The following TSBP1 variants were observed in gnomAD, a reference collection of about 807,000 sequenced individuals.
The protein encoded by TSBP1 is testis-expressed basic protein 1.
Under a neutral mutation model 68.8 loss-of-function variants are expected in TSBP1, and 56 were observed. The ratio of observed to expected loss-of-function variants is 0.81; its 90% CI spans 0.66 to 1.02. The LOEUF (loss-of-function observed/expected upper bound fraction) is 1.02, where lower values mean the gene tolerates loss of function less well. Ranked by LOEUF, TSBP1 falls within the 50% of genes least tolerant of loss-of-function variation. TSBP1 has a pLI of 0.00. For missense variants in TSBP1, 502 were observed against 641.2 expected (o/e 0.78, Z 2.34); for synonymous variants, 171 against 208.7 (o/e 0.82, Z 1.56).
chr6:32,355,731 A>T (rs780391181), intron 6 of TSBP1, 62 bp from the exon 7 acceptor site: 16 of 1,558,244 alleles, frequency 1.0e-5, no homozygotes, highest in Non-Finnish European at 1.7e-6. Context: ...TAGTTTTGGT[A>T]TCACTACAGA....
intron 18 of TSBP1, 40 bp from the exon 20 acceptor site, chr6:32,322,546 A>G: frequency 2.0e-6 from 3 of 1,497,498 alleles, no homozygotes; most frequent in Non-Finnish European, 2.8e-6. Flanking sequence ...AATTTTTCTC[A>G]AATAGAAAAC....
At chr6:32,307,598 G>GTTTA (rs9281731) in intron 19 of TSBP1, among the ~76,000 whole-genome samples, 31,874 of 151,708 alleles carry the variant, frequency 0.21, 3,508 homozygotes, top group East Asian at 0.22. Flanking sequence ...ATTTTTGTCT[G>GTTTA]TTTATTTTAT....
chr6:32,324,060 G>T (rs523627), intron 16 of TSBP1, among the ~76,000 whole-genome samples: 50,930 of 151,854 alleles, frequency 0.34, 9,637 homozygotes, highest in Middle Eastern at 0.52. Context: ...TTTCTCCCCT[G>T]CCCTTTATTT....
chr6:32,347,973 T>C (rs1005851127), intron 9 of TSBP1, among the ~76,000 whole-genome samples: 2 of 152,220 alleles, frequency 1.3e-5, no homozygotes, highest in Admixed American at 6.5e-5. Flanking sequence ...TGCTCTATCA[T>C]ATTATCTTAA....
Position 32,365,890 on chromosome 6 carries a change from A to G in TSBP1, c.217+277T>C, listed in dbSNP as rs1773644810. ...TCTAAATTGATGCTTCTGTGTGGGA[A>G]GAAAGCTCCTATTCTACTATTTTGC... On this transcript the variant is annotated intron_variant, in intron 6 of 22. Transcript: ENST00000612031. The surrounding 1 kb of genome is among the most constrained non-coding windows in gnomAD (Gnocchi z 4.3). 7 of 542,084 alleles carry G rather than the reference A, an allele frequency of 1.3e-5. No individual in the cohort carries two copies. The highest frequency in any genetic ancestry group is 2.5e-5 in the Non-Finnish European group (7 of 283,268). 33.6% of individuals were successfully genotyped at this position (542,084 alleles called of 1,614,324 possible).
At chr6:32,319,410 C>A (rs1767353720) in intron 18 of TSBP1, among the ~76,000 whole-genome samples, 1 of 152,240 alleles carries the variant, frequency 6.6e-6, no homozygotes, top group Non-Finnish European at 1.5e-5. Flanking sequence ...AGTTAATCCT[C>A]CACAATAATA....
At chr6:32,370,130 G>A (rs548494310) in intron 1 of TSBP1, 147 bp from the exon 2 acceptor site, 142 of 634,548 alleles carry the variant, frequency 2.2e-4, no homozygotes, top group African/African-American at 2.0e-3. Context: ...TTTATTTGCC[G>A]CATATTACTG....
Position 32,353,253 on chromosome 6 carries a change from ATACAAAATC to A in TSBP1, c.259+1862_259+1870del, listed in dbSNP as rs1328983840. On this transcript the variant is annotated intron_variant, in intron 8 of 22. Transcript: ENST00000612031. Reference sequence around the variant, plus strand: ...TCTAAGAGCACAGCAGGGTGGCTAGATACAAAATCTACTCTCAAATATACAACATATAAC... The same window carrying A: ...TCTAAGAGCACAGCAGGGTGGCTAGATACTCTCAAATATACAACATATAAC... 7.9e-5 allele frequency among the ~76,000 whole-genome samples: 12 copies of A among 152,024 alleles called. No individual in the cohort carries two copies. In the South Asian group the frequency reaches 1.2e-3, roughly 16 times the overall value.
rs1157325246 is a variant in TSBP1, at chr6:32,321,110, T to A, written c.559+2007A>T. Reference sequence around the variant, plus strand: ...TTGATGGGCATTTAGGTTGATTCCATGTATTTGCTATTGTGAATAGTTCTG... The same window carrying A: ...TTGATGGGCATTTAGGTTGATTCCAAGTATTTGCTATTGTGAATAGTTCTG... On this transcript the variant is annotated intron_variant, in intron 18 of 22. Coordinates refer to ENST00000612031, the Ensembl canonical transcript of TSBP1. The surrounding 1 kb of genome is among the most constrained non-coding windows in gnomAD (Gnocchi z 4.3). Among the ~76,000 whole-genome samples the A allele has an allele frequency of 6.6e-6, 1 of 152,222 alleles. No homozygotes were observed. The highest frequency in any genetic ancestry group is 1.5e-5 in the Non-Finnish European group (1 of 68,038).
At chr6:32,310,112 T>C (rs1384509522) in intron 19 of TSBP1, among the ~76,000 whole-genome samples, 1 of 152,216 alleles carries the variant, frequency 6.6e-6, no homozygotes, top group Non-Finnish European at 1.5e-5. Context: ...TCTTGTTCTG[T>C]TGTATTCTGG....
exon 23 of TSBP1, chr6:32,293,756 G>A (rs1764413083): frequency 6.2e-7 from 1 of 1,612,606 alleles, no homozygotes; most frequent in Non-Finnish European, 8.5e-7. Context: ...TTTTAGTTGG[G>A]TTTCCTGTCT....
Position 32,325,655 on chromosome 6 carries a change from G to A in TSBP1, c.515-2041C>T. 2.8e-6 allele frequency: 3 copies of A among 1,070,532 alleles called. No individual in the cohort carries two copies. Among genetic ancestry groups the A allele is most frequent in the Non-Finnish European group, 4.3e-6 (3 of 700,564 alleles). The allele number at this position is 1,070,532 out of a possible 1,614,324, so 66.3% of individuals were successfully genotyped here. A position where few individuals can be genotyped will look rare whatever the true frequency, so the allele number is the denominator to read the frequency against. On this transcript the variant is annotated intron_variant, in intron 16 of 22. Transcript: ENST00000612031. The surrounding 1 kb of genome is among the most constrained non-coding windows in gnomAD (Gnocchi z 4.4). ...TGACCGAGGCAGTTGCAAGAAAAGGGGATTTGCCTTTGTAACCTTTGATGA... is the reference window on the plus strand; with the variant it reads ...TGACCGAGGCAGTTGCAAGAAAAGGAGATTTGCCTTTGTAACCTTTGATGA...
At chr6:32,339,483 T>G (rs2022533) in intron 10 of TSBP1, 117 bp downstream of exon 11, 285,568 of 737,876 alleles carry the variant, frequency 0.39, 60,323 homozygotes, top group Middle Eastern at 0.55. Context: ...CATTATAGAA[T>G]ATCAAAATCA....
intron 8 of TSBP1, 73 bp downstream of exon 8, chr6:32,355,051 G>T (rs1483589830): frequency 7.4e-7 from 1 of 1,353,926 alleles, no homozygotes; most frequent in Non-Finnish European, 1.0e-6. Context: ...TCTTAAAAGA[G>T]AAAAAATACA....
chr6:32,337,108 A>T lies in TSBP1; in HGVS notation c.410-473T>A, dbSNP rs1279985476. Among the ~76,000 whole-genome samples, 1 of 152,244 alleles carries T rather than the reference A, an allele frequency of 6.6e-6. No homozygotes were observed. Among genetic ancestry groups the T allele is most frequent in the Non-Finnish European group, 1.5e-5 (1 of 68,034 alleles). On this transcript the variant is annotated intron_variant, in intron 11 of 22. Transcript: ENST00000612031. This position sits in a 1 kb window ranked among gnomAD's most constrained non-coding sequence, Gnocchi z 5.5. ...GAGGAAACAGAAAAGGAACTCACTT[A>T]TAGGTCTAATAGTTCCAGTTAAAAT...
intron 16 of TSBP1, among the ~76,000 whole-genome samples, chr6:32,328,942 A>G (rs1202911480): frequency 1.3e-5 from 2 of 152,190 alleles, no homozygotes; most frequent in Non-Finnish European, 2.9e-5. Flanking sequence ...CTTATGTCAT[A>G]TATGGCATAG....
chr6:32,318,451 A>T (rs887676427), intron 18 of TSBP1, among the ~76,000 whole-genome samples: 2 of 152,240 alleles, frequency 1.3e-5, no homozygotes, highest in African/African-American at 4.8e-5. Context: ...CTTAAAACTT[A>T]AATAAAAATA....
intron 1 of TSBP1, among the ~76,000 whole-genome samples, chr6:32,371,067 T>C (rs569981075): frequency 2.5e-4 from 38 of 152,190 alleles, no homozygotes; most frequent in African/African-American, 9.2e-4. Flanking sequence ...CTGAGTCTTC[T>C]AGGTGTTTGG....
Position 32,322,518 on chromosome 6 carries a change from G to T in TSBP1, c.559+599C>A. ...TCTCTGTGAAATTACTGAAAAATAAGCAAACAGAAATCCATTTAATTTTTC... is the reference window on the plus strand; with the variant it reads ...TCTCTGTGAAATTACTGAAAAATAATCAAACAGAAATCCATTTAATTTTTC... On this transcript the variant is annotated intron_variant, in intron 18 of 22. Transcript: ENST00000612031. The T allele has an allele frequency of 6.3e-7, 1 of 1,585,486 alleles. No homozygotes were observed. The highest frequency in any genetic ancestry group is 8.7e-7 in the Non-Finnish European group (1 of 1,154,460).
Sources: allele counts gnomAD v4.1 joint callset (sites outside exome capture counted in the v4.1 genomes callset), GRCh38; gene constraint gnomAD v4.1.1; non-coding constraint Gnocchi (gnomAD v3.1); transcripts MANE v1.5; gene names NCBI Gene and HGNC (gene_info 2026-07-23, HGNC 2026-07-21).